The following FMN1 variants were observed in gnomAD, a reference collection of about 807,000 sequenced individuals.
FMN1 encodes formin-1.
A neutral mutation model predicts 132.4 loss-of-function variants in FMN1; 110 were observed. The observed-to-expected ratio is 0.83, with a 90% CI of 0.71 to 0.97. The LOEUF (loss-of-function observed/expected upper bound fraction) is 0.97, where lower values mean the gene tolerates loss of function less well. FMN1 is among the 50% of genes least tolerant of loss of function. The probability of loss-of-function intolerance (pLI) is 0.00; values close to 1 mark genes in which losing one functional copy is unlikely to be tolerated. For missense variants in FMN1, 1,792 were observed against 1,705.3 expected (o/e 1.05, Z -0.90); for synonymous variants, 722 against 651.7 (o/e 1.11, Z -1.64).
intron 3 of FMN1, among the ~76,000 whole-genome samples, chr15:33,174,725 T>C (rs1376468952): frequency 6.6e-6 from 1 of 150,888 alleles, no homozygotes; most frequent in Non-Finnish European, 1.5e-5. Context: ...ATTCAGCATA[T>C]ATGATGTAGT....
intron 10 of FMN1, among the ~76,000 whole-genome samples, chr15:32,918,692 G>T (rs565680640): frequency 1.3e-5 from 2 of 152,274 alleles, no homozygotes; most frequent in South Asian, 4.1e-4. Flanking sequence ...CTATTCTCCA[G>T]AGGGCAGTGG....
rs1321525250 is a variant in FMN1 at position 33,153,867 on chromosome 15, C to G, written c.1048G>C (p.Gly350Arg). 2 of 1,536,758 alleles carry G rather than the reference C, an allele frequency of 1.3e-6. No individual in the cohort carries two copies. The highest frequency in any genetic ancestry group is 2.7e-5 in the African/African-American group (2 of 73,162). Residue 350 changes from glycine (G) to arginine (R), a missense_variant, in exon 4 of 21, where the codon GGT (glycine) becomes CGT (arginine). Around this residue, in one of 3 missense-constraint regions of FMN1, gnomAD observed 638 missense variants for 645.2 expected, o/e 0.99. Transcript: ENST00000616417. ...GGGCGAATGGCAATCGTCTCCTTACCCTTAGAATGCGTTTTAACTACTCTT... is the reference window on the plus strand; with the variant it reads ...GGGCGAATGGCAATCGTCTCCTTACGCTTAGAATGCGTTTTAACTACTCTT... ...VQRVVKTHSK[G>R]KETIAIRPAA...
At chr15:32,987,095 A>G (rs1195776304) in intron 7 of FMN1, among the ~76,000 whole-genome samples, 3 of 152,146 alleles carry the variant, frequency 2.0e-5, no homozygotes, top group Non-Finnish European at 4.4e-5. Flanking sequence ...TTTAAATGTT[A>G]TTAGCTGCCC....
chr15:33,159,284 G>A (rs548665372), intron 3 of FMN1, among the ~76,000 whole-genome samples: 1 of 152,318 alleles, frequency 6.6e-6, no homozygotes, highest in Admixed American at 6.5e-5. Context: ...GATTTCAGAT[G>A]TAGGTGACTG....
chr15:33,121,707 T>G (rs1296493394), intron 4 of FMN1, among the ~76,000 whole-genome samples: 1 of 152,064 alleles, frequency 6.6e-6, no homozygotes, highest in Non-Finnish European at 1.5e-5. Context: ...TTTTGTATGT[T>G]TAGTAGAGAC....
intron 16 of FMN1, among the ~76,000 whole-genome samples, chr15:32,884,184 T>C (rs2141459970): frequency 6.6e-6 from 1 of 152,304 alleles, no homozygotes; most frequent in South Asian, 2.1e-4. Context: ...ACCAGAAATA[T>C]ATCACCTTTT....
rs544820735 is a variant in FMN1, at chr15:32,947,517, C to A, written c.3138+16590G>T. On this transcript the variant is annotated intron_variant, in intron 9 of 20. Transcript: ENST00000616417. ...GTTGTTTTTTGAACATTTGTTCTTG[C>A]ATGCAAATTTTTAGAATAAGCTTGT... Among the ~76,000 whole-genome samples the A allele has an allele frequency of 6.6e-5, 10 of 152,050 alleles. No homozygotes were observed. In the East Asian group the frequency reaches 1.5e-3, roughly 24 times the overall value.
Position 32,909,182 on chromosome 15 carries a change from A to C in FMN1, c.3289-604T>G, listed in dbSNP as rs900854066. Among the ~76,000 whole-genome samples, 20 of 152,204 alleles carry C rather than the reference A, an allele frequency of 1.3e-4. 1 individual carries two copies. The highest frequency in any genetic ancestry group is 1.0e-3 in the Admixed American group (16 of 15,284). On this transcript the variant is annotated intron_variant, in intron 11 of 20. Transcript: ENST00000616417. ...GCTTAGTCCTGAGCTCATGGTAACAACACAAAGCATCTGGAAGGTACTGCC... is the reference window on the plus strand; with the variant it reads ...GCTTAGTCCTGAGCTCATGGTAACACCACAAAGCATCTGGAAGGTACTGCC...
chr15:33,019,026 T>A (rs183091051), intron 6 of FMN1, among the ~76,000 whole-genome samples: 73 of 152,302 alleles, frequency 4.8e-4, no homozygotes, highest in Non-Finnish European at 7.5e-4. Context: ...GCTTCCACCA[T>A]GCGGAAGAGG....
At chr15:33,104,380 C>T (rs571990200) in intron 4 of FMN1, among the ~76,000 whole-genome samples, 1 of 152,230 alleles carries the variant, frequency 6.6e-6, no homozygotes, top group Admixed American at 6.5e-5. Flanking sequence ...TAAAATGAGT[C>T]ACAACAGTGA....
chr15:32,951,997 C>T (rs1287491920), intron 9 of FMN1, among the ~76,000 whole-genome samples: 2 of 152,216 alleles, frequency 1.3e-5, no homozygotes, highest in African/African-American at 4.8e-5. Flanking sequence ...CTGAGGCAAA[C>T]GCCCAGATCT....
intron 5 of FMN1, among the ~76,000 whole-genome samples, chr15:33,070,359 G>T (rs1199798540): frequency 6.7e-6 from 1 of 150,144 alleles, no homozygotes; most frequent in Non-Finnish European, 1.5e-5. Flanking sequence ...TATGGCAGGG[G>T]GCAGTGGGAG....
At chr15:32,861,334 C>T (rs188807970) in intron 16 of FMN1, among the ~76,000 whole-genome samples, 7 of 152,192 alleles carry the variant, frequency 4.6e-5, no homozygotes, top group Admixed American at 1.3e-4. Context: ...CAGGGTTGAT[C>T]GCTGCAGCTC....
chr15:32,960,995 C>CAAAAAAAAAAAA (rs539245532), intron 9 of FMN1, among the ~76,000 whole-genome samples: 1 of 59,092 alleles, frequency 1.7e-5, no homozygotes, highest in African/African-American at 8.9e-5. Context: ...GACTCCGTCT[C>CAAAAAAAAAAAA]AAAAAAAAAA....
intron 6 of FMN1, chr15:33,012,673 G>A: frequency 1.2e-6 from 1 of 834,514 alleles, no homozygotes; most frequent in Non-Finnish European, 2.1e-6. Context: ...GCAAGAGATG[G>A]CTAGTGCTTC....
Position 32,969,362 on chromosome 15 carries a change from C to A in FMN1, c.2339G>T (p.Gly780Val), listed in dbSNP as rs769098168. The A allele has an allele frequency of 1.9e-6, 3 of 1,613,834 alleles. No individual in the cohort carries two copies. Among genetic ancestry groups the A allele is most frequent in the East Asian group, 4.5e-5 (2 of 44,884 alleles). ...GCACACATCTTTCCTCTCTTCACAA[C>A]CCCCTCGCCATCTGTGTTCTAGCTC... ...KHELEHRWRG[G>V]CEERKDVCIS... Residue 780 changes from glycine to valine, a missense_variant, in exon 8 of 21, where the codon GGT becomes GTT. Transcript: ENST00000616417.
intron 3 of FMN1, among the ~76,000 whole-genome samples, chr15:33,164,465 T>C (rs1483087232): frequency 2.0e-5 from 3 of 152,136 alleles, no homozygotes; most frequent in Non-Finnish European, 2.9e-5. Context: ...AAAAAAGGGC[T>C]CCTTTTTGTG....
chr15:32,867,294 T>G (rs570334882), intron 16 of FMN1, among the ~76,000 whole-genome samples: 10 of 152,358 alleles, frequency 6.6e-5, no homozygotes, highest in East Asian at 1.9e-4. Context: ...TCCCTCAAGC[T>G]GGCCTGCAAG....
chr15:32,801,262 T>C (rs1418773623), intron 18 of FMN1, among the ~76,000 whole-genome samples: 3 of 152,118 alleles, frequency 2.0e-5, no homozygotes, highest in Non-Finnish European at 4.4e-5. Context: ...CCTCTCTCCC[T>C]GGGGATTTGT....
Sources: gnomAD v4.1 joint callset for allele counts (sites outside exome capture counted in the v4.1 genomes callset) on GRCh38, gnomAD v4.1.1 for gene constraint, gnomAD v4.1.1 regional missense constraint, MANE v1.5 for transcripts, NCBI Gene and HGNC (gene_info 2026-07-23, HGNC 2026-07-21) for gene names.